Variants in DENND1B observed in about 807,000 individuals in gnomAD.
The protein encoded by DENND1B is DENN domain-containing protein 1B.
DENND1B carries 59 observed loss-of-function variants against 90.1 expected under a neutral mutation model. The observed-to-expected ratio is 0.65, with a 90% CI of 0.53 to 0.81. The LOEUF is 0.81. DENND1B is among the 40% of genes least tolerant of loss of function. The pLI is 0.00. For missense variants in DENND1B, 862 were observed against 912.6 expected, an observed-to-expected ratio of 0.94 and a Z score of 0.71; for synonymous variants, 337 against 324.6, an observed-to-expected ratio of 1.04 and a Z score of -0.41.
At chr1:197,735,769 A>T (rs1412376836) in intron 2 of DENND1B, 18 of 1,611,852 alleles carry the variant, frequency 1.1e-5, no homozygotes, top group Non-Finnish European at 1.5e-5. Context: ...TCCAGGGGGA[A>T]TCCTCGGCAG....
At chr1:197,672,005 T>G (rs376351452) in intron 5 of DENND1B, 32 bp downstream of exon 5, 2 of 1,599,996 alleles carry the variant, frequency 1.3e-6, no homozygotes, top group East Asian at 2.2e-5. Flanking sequence ...TTACCTATTT[T>G]GCATCTAATT....
intron 20 of DENND1B, among the ~76,000 whole-genome samples, chr1:197,518,548 C>CAT (rs1668558718): frequency 6.6e-6 from 1 of 151,796 alleles, no homozygotes; most frequent in South Asian, 2.1e-4. Flanking sequence ...TCAGGTAAAC[C>CAT]ATATGGTGGC....
At chr1:197,631,726 A>C (rs1464605652) in intron 10 of DENND1B, among the ~76,000 whole-genome samples, 1 of 151,772 alleles carries the variant, frequency 6.6e-6, no homozygotes, top group Non-Finnish European at 1.5e-5. Flanking sequence ...ACAATTATAT[A>C]TATTTTAATG....
At position 197,693,550 on chromosome 1, in the gene DENND1B, T is replaced by C. The variant is rs563066786; in HGVS notation, c.127-19381A>G. 4.0e-5 allele frequency among the ~76,000 whole-genome samples: 6 copies of C among 151,792 alleles called. No individual in the cohort carries two copies. In the South Asian group the frequency reaches 1.2e-3, roughly 31 times the overall value. On this transcript the variant is annotated intron_variant, in intron 3 of 22. Transcript: ENST00000620048. The stretch of plus-strand genomic sequence containing the variant: ...TAAAGGTCTATTAAAATGCACATAA[T>C]TTATCTGAATCAAAATGAAAATATA...
intron 12 of DENND1B, among the ~76,000 whole-genome samples, chr1:197,607,886 A>C (rs1676832900): frequency 6.6e-6 from 1 of 150,722 alleles, no homozygotes; most frequent in East Asian, 1.9e-4. Flanking sequence ...CCTTAAAGAA[A>C]ATACTTATGG....
intron 7 of DENND1B, among the ~76,000 whole-genome samples, chr1:197,651,742 G>A (rs944167598): frequency 8.8e-5 from 11 of 125,312 alleles, no homozygotes; most frequent in African/African-American, 3.0e-4. Flanking sequence ...TGCAAGCTCC[G>A]CCTCCCGGGT....
chr1:197,538,141 A>G (rs1670053211), intron 20 of DENND1B, among the ~76,000 whole-genome samples: 1 of 152,190 alleles, frequency 6.6e-6, no homozygotes, highest in Admixed American at 6.5e-5. Context: ...TTTACATCTT[A>G]AAGTATCCTA....
intron 11 of DENND1B, among the ~76,000 whole-genome samples, chr1:197,613,297 T>C (rs761238539): frequency 6.6e-6 from 1 of 150,800 alleles, no homozygotes; most frequent in Non-Finnish European, 1.5e-5. Flanking sequence ...TATCCAGAAT[T>C]TACAAAATAA....
intron 5 of DENND1B, among the ~76,000 whole-genome samples, chr1:197,664,032 G>C (rs559820522): frequency 6.7e-4 from 100 of 150,328 alleles, no homozygotes; most frequent in African/African-American, 2.4e-3. Flanking sequence ...CACACACAGA[G>C]AGAGAGATAA....
At chr1:197,694,930 C>T (rs183633258) in intron 3 of DENND1B, among the ~76,000 whole-genome samples, 9 of 151,194 alleles carry the variant, frequency 6.0e-5, no homozygotes, top group Admixed American at 2.0e-4. Context: ...CTAAAATGTA[C>T]GCAAAAATAT....
chr1:197,517,455 G>A (rs764215164), intron 20 of DENND1B, among the ~76,000 whole-genome samples: 3 of 151,778 alleles, frequency 2.0e-5, no homozygotes, highest in Non-Finnish European at 2.9e-5. Context: ...CCTAGCACAG[G>A]ACCTTTGCAT....
intron 3 of DENND1B, among the ~76,000 whole-genome samples, chr1:197,704,470 G>C (rs1659330057): frequency 6.6e-6 from 1 of 152,004 alleles, no homozygotes; most frequent in Non-Finnish European, 1.5e-5. Context: ...CAACTCTTTA[G>C]CAAGGCAAAC....
intron 15 of DENND1B, among the ~76,000 whole-genome samples, chr1:197,555,364 C>T (rs1264077104): frequency 1.3e-5 from 2 of 151,814 alleles, no homozygotes; most frequent in East Asian, 3.9e-4. Context: ...AAAATTGGGG[C>T]CCAATTAAAC....
chr1:197,512,854 CA>C lies in DENND1B; in HGVS notation c.1598+16del, dbSNP rs774259209. 1 of 1,608,224 alleles carries C rather than the reference CA, an allele frequency of 6.2e-7. No individual in the cohort carries two copies. Among genetic ancestry groups the C allele is most frequent in the Non-Finnish European group, 8.5e-7 (1 of 1,176,890 alleles). ...TAAGCCATTCCACTTAATAGGACAC[CA>C]AAATCCATTACTTACTTGCTTGCTC... is the stretch of plus-strand genomic sequence containing the variant. On this transcript the variant is annotated intron_variant, in intron 21 of 22. Coordinates refer to ENST00000620048, the MANE Select transcript of DENND1B (RefSeq NM_001195215.2).
At chr1:197,760,427 G>A (rs527493900) in intron 2 of DENND1B, among the ~76,000 whole-genome samples, 2 of 152,182 alleles carry the variant, frequency 1.3e-5, no homozygotes, top group African/African-American at 4.8e-5. Flanking sequence ...AGGTAGGCAG[G>A]TCGCTTGAGC....
At chr1:197,518,839 G>GA (rs916158973) in intron 20 of DENND1B, among the ~76,000 whole-genome samples, 1 of 151,844 alleles carries the variant, frequency 6.6e-6, no homozygotes, top group Non-Finnish European at 1.5e-5. Context: ...CACAAGTGGG[G>GA]AGACTGTCGG....
At chr1:197,735,743 C>A (rs1020566051) in intron 2 of DENND1B, 2 of 1,612,454 alleles carry the variant, frequency 1.2e-6, no homozygotes, top group Admixed American at 1.7e-5. Context: ...ATGCAAAATG[C>A]GAATCGGCGT....
intron 2 of DENND1B, among the ~76,000 whole-genome samples, chr1:197,755,217 T>C (rs1654122417): frequency 6.6e-6 from 1 of 152,224 alleles, no homozygotes; most frequent in South Asian, 2.1e-4. Context: ...GTTATATGTA[T>C]CAGCCTGGTC....
chr1:197,722,182 T>C (rs1385536406), intron 2 of DENND1B, among the ~76,000 whole-genome samples: 2 of 152,086 alleles, frequency 1.3e-5, no homozygotes, highest in South Asian at 2.1e-4. Flanking sequence ...GTAATAATAA[T>C]AATAAGGCCT....
Sources: gnomAD v4.1 joint callset for allele counts (sites outside exome capture counted in the v4.1 genomes callset) on GRCh38, gnomAD v4.1.1 for gene constraint, MANE v1.5 for transcripts, NCBI Gene and HGNC (gene_info 2026-07-23, HGNC 2026-07-21) for gene names.